Variants in NKAIN3 observed in about 807,000 individuals in gnomAD.
The protein encoded by NKAIN3 is sodium/potassium-transporting ATPase subunit beta-1-interacting protein 3.
NKAIN3 carries 25 observed loss-of-function variants against 30.2 expected under a neutral mutation model. The observed-to-expected ratio is 0.83, with a 90% CI of 0.60 to 1.16. The LOEUF (loss-of-function observed/expected upper bound fraction) is 1.16, where lower values mean the gene tolerates loss of function less well. NKAIN3 is among the 50% of genes most tolerant of loss of function. The pLI, the probability that NKAIN3 is intolerant of heterozygous loss-of-function variation, is 0.00. For missense variants in NKAIN3, 225 were observed against 254.1 expected (o/e 0.89, Z 0.78); for synonymous variants, 91 against 89.6 (o/e 1.02, Z -0.09).
intron 4 of NKAIN3, among the ~76,000 whole-genome samples, chr8:62,894,347 C>G (rs13439827): frequency 6.6e-6 from 1 of 152,126 alleles, no homozygotes. Flanking sequence ...GGATTTGAAA[C>G]TAGGAACTGA....
At chr8:62,797,433 G>A (rs553344203) in intron 4 of NKAIN3, among the ~76,000 whole-genome samples, 6 of 152,132 alleles carry the variant, frequency 3.9e-5, no homozygotes, top group Admixed American at 1.3e-4. Flanking sequence ...TTAAAATAAT[G>A]TTGGGAAAAA....
At chr8:62,556,127 A>G (rs1165749951) in intron 1 of NKAIN3, among the ~76,000 whole-genome samples, 1 of 152,008 alleles carries the variant, frequency 6.6e-6, no homozygotes, top group Non-Finnish European at 1.5e-5. Flanking sequence ...GTGTATATAT[A>G]TTGGTAAACC....
chr8:62,290,807 A>G (rs1044004978), intron 1 of NKAIN3, among the ~76,000 whole-genome samples: 7 of 152,160 alleles, frequency 4.6e-5, no homozygotes, highest in African/African-American at 9.6e-5. Context: ...AATTTCAGAA[A>G]GAATGGTACC....
chr8:62,253,083 C>T (rs191558140), intron 1 of NKAIN3, among the ~76,000 whole-genome samples: 6 of 152,272 alleles, frequency 3.9e-5, no homozygotes, highest in Non-Finnish European at 5.9e-5. Flanking sequence ...AACACATCTT[C>T]GTCTCAGGAT....
intron 1 of NKAIN3, among the ~76,000 whole-genome samples, chr8:62,385,626 T>C (rs182500765): frequency 6.6e-6 from 1 of 152,320 alleles, no homozygotes; most frequent in African/African-American, 2.4e-5. Context: ...ATGACCACAA[T>C]CAATATACGG....
intron 1 of NKAIN3, among the ~76,000 whole-genome samples, chr8:62,401,086 A>C (rs908620005): frequency 6.8e-6 from 1 of 147,328 alleles, no homozygotes; most frequent in Non-Finnish European, 1.5e-5. Context: ...TTTTGAAGCT[A>C]TCTTCCAGAT....
At chr8:62,988,492 T>C (rs1278724289), downstream of NKAIN3, among the ~76,000 whole-genome samples, 1 of 152,260 alleles carries the variant, frequency 6.6e-6, no homozygotes, top group Admixed American at 6.5e-5. Context: ...TTGACTTCTA[T>C]GCACCCACAA....
chr8:62,687,576 C>A (rs545342843), intron 3 of NKAIN3, among the ~76,000 whole-genome samples: 13 of 152,270 alleles, frequency 8.5e-5, no homozygotes, highest in African/African-American at 3.1e-4. Flanking sequence ...ATTCCCAAGC[C>A]CTCCAACCCC....
At chr8:62,856,768 C>G (rs1224115000) in intron 4 of NKAIN3, 1 of 663,320 alleles carries the variant, frequency 1.5e-6, no homozygotes, top group Non-Finnish European at 2.7e-6. Flanking sequence ...CCTGGCTTAT[C>G]CAACTCCTGT....
At position 62,750,706 on chromosome 8, in the gene NKAIN3, T is replaced by C. The variant is rs1438087697; in HGVS notation, c.471+3577T>C. Reference sequence around the variant, plus strand: ...AAAGTCACCAAATCCTGAAGAAGAGTTCCTGCAAATTGTCAGCAACACCAA... The same window carrying C: ...AAAGTCACCAAATCCTGAAGAAGAGCTCCTGCAAATTGTCAGCAACACCAA... On this transcript the variant is annotated intron_variant, in intron 4 of 6. Coordinates refer to ENST00000623646, the MANE Select transcript of NKAIN3 (RefSeq NM_001304533.3). Among the ~76,000 whole-genome samples, 3 of 151,668 alleles carry C rather than the reference T, an allele frequency of 2.0e-5. No homozygotes were observed. The East Asian group carries it at 5.8e-4, about 29-fold the overall frequency.
intron 3 of NKAIN3, among the ~76,000 whole-genome samples, chr8:62,668,751 T>C (rs1007634631): frequency 6.6e-6 from 1 of 152,198 alleles, no homozygotes; most frequent in African/African-American, 2.4e-5. Flanking sequence ...ATTAATTATA[T>C]ATGTATTCCT....
intron 4 of NKAIN3, among the ~76,000 whole-genome samples, chr8:62,860,799 C>T (rs57335101): frequency 0.01 from 1,564 of 152,334 alleles, 21 homozygotes; most frequent in African/African-American, 0.036. Context: ...TGTTCTTGCA[C>T]ATGGCTCATA....
intron 1 of NKAIN3, among the ~76,000 whole-genome samples, chr8:62,557,081 C>T (rs13248562): frequency 0.12 from 17,731 of 151,986 alleles, 1,246 homozygotes; most frequent in African/African-American, 0.19. Context: ...CCCATCCTTT[C>T]CCTAAAGTCC....
intron 4 of NKAIN3, among the ~76,000 whole-genome samples, chr8:62,882,537 C>T (rs1821019914): frequency 6.6e-6 from 1 of 151,972 alleles, no homozygotes; most frequent in East Asian, 1.9e-4. Flanking sequence ...AGGCTGGTCT[C>T]GAACTCTTTG....
intron 5 of NKAIN3, among the ~76,000 whole-genome samples, chr8:62,934,328 T>A (rs372964521): frequency 4.6e-5 from 7 of 151,660 alleles, no homozygotes; most frequent in African/African-American, 1.7e-4. Flanking sequence ...CAGTGAGCTG[T>A]GATGATGCCA....
rs138792519 is a variant in NKAIN3 at position 62,593,353 on chromosome 8, A to T, written c.273+3559A>T. Among the ~76,000 whole-genome samples, 533 of 152,158 alleles carry T rather than the reference A, an allele frequency of 3.5e-3. 3 individuals carry two copies. The highest frequency in any genetic ancestry group is 0.026 in the Admixed American group (394 of 15,256). On this transcript the variant is annotated intron_variant, in intron 3 of 6. Transcript: ENST00000623646. ...AAAATTAAAGTACATAATTAAAAAA[A>T]AATCTTCTTTGTGGATGAATTCCTA...
chr8:62,294,929 A>G (rs935627490), intron 1 of NKAIN3, among the ~76,000 whole-genome samples: 2 of 152,146 alleles, frequency 1.3e-5, no homozygotes, highest in African/African-American at 4.8e-5. Flanking sequence ...CCAGAAACAT[A>G]CAAACACACA....
rs138548781 is a variant in NKAIN3 at position 62,469,535 on chromosome 8, C to T, written c.55-110004C>T. ...AGAGTGCGGACACAGAGAAGACCTG[C>T]CTTGTCAAGACTGGCGCCCAATAAG... On this transcript the variant is annotated intron_variant, in intron 1 of 6. Coordinates refer to ENST00000623646, the MANE Select transcript of NKAIN3 (RefSeq NM_001304533.3). Among the ~76,000 whole-genome samples, 57 of 152,242 alleles carry T rather than the reference C, an allele frequency of 3.7e-4. No homozygotes were observed. The East Asian group carries it at 0.01, about 28-fold the overall frequency.
intron 5 of NKAIN3, among the ~76,000 whole-genome samples, chr8:62,942,694 T>C (rs968961187): frequency 6.6e-6 from 1 of 151,890 alleles, no homozygotes; most frequent in African/African-American, 2.4e-5. Context: ...CATAGACCAA[T>C]GGAACAAAAT....
Sources: allele counts gnomAD v4.1 joint callset (sites outside exome capture counted in the v4.1 genomes callset), GRCh38; gene constraint gnomAD v4.1.1; transcripts MANE v1.5; gene names NCBI Gene and HGNC (gene_info 2026-07-23, HGNC 2026-07-21).